The following LARP4B variants were observed in gnomAD, a reference collection of about 807,000 sequenced individuals.
LARP4B encodes La ribonucleoprotein 4B, also known as la-related protein 4B.
Under a neutral mutation model 89.8 loss-of-function variants are expected in LARP4B, and 12 were observed. The ratio of observed to expected loss-of-function variants is 0.13; its 90% confidence interval spans 0.09 to 0.22. The LOEUF is 0.22. Ranked by LOEUF, LARP4B falls within the 10% of genes least tolerant of loss-of-function variation. The pLI, the probability that LARP4B is intolerant of heterozygous loss-of-function variation, is 1.00. For missense variants in LARP4B, 757 were observed against 947.7 expected (o/e 0.80, Z 2.64); for synonymous variants, 367 against 363.3 (o/e 1.01, Z -0.12).
intron 1 of LARP4B, among the ~76,000 whole-genome samples, chr10:908,031 C>G (rs925992098): frequency 1.3e-5 from 2 of 152,146 alleles, no homozygotes; most frequent in Non-Finnish European, 2.9e-5. Context: ...CATGGTGAAA[C>G]CCCATCTCTA....
intron 7 of LARP4B, among the ~76,000 whole-genome samples, chr10:837,103 C>G (rs1261452142): frequency 6.6e-6 from 1 of 152,156 alleles, no homozygotes; most frequent in Non-Finnish European, 1.5e-5. Flanking sequence ...ATTACAGGTT[C>G]TATCAACAGG....
chr10:900,618 CTTTT>C (rs907868624), intron 1 of LARP4B, among the ~76,000 whole-genome samples: 6 of 118,968 alleles, frequency 5.0e-5, no homozygotes, highest in Admixed American at 8.9e-5. Flanking sequence ...GATATATTTC[CTTTT>C]TTTTTTTTTT....
chr10:913,581 A>G (rs1033008939), intron 1 of LARP4B, among the ~76,000 whole-genome samples: 4 of 152,232 alleles, frequency 2.6e-5, no homozygotes, highest in African/African-American at 9.6e-5. Flanking sequence ...AATGATTAAC[A>G]AAGAAATAAA....
intron 5 of LARP4B, among the ~76,000 whole-genome samples, chr10:859,673 A>G (rs1223971500): frequency 6.6e-6 from 1 of 152,270 alleles, no homozygotes; most frequent in African/African-American, 2.4e-5. Flanking sequence ...TAGTATGTCC[A>G]GACAATGGAA....
chr10:967,355 A>T, the LARP4B span, among the ~76,000 whole-genome samples: 1 of 152,234 alleles, frequency 6.6e-6, no homozygotes, highest in South Asian at 2.1e-4. Flanking sequence ...GGAACGTATG[A>T]AAGGAAACAA....
chr10:885,595 C>CA (rs778872573), intron 2 of LARP4B, 46 bp downstream of exon 2: 4 of 1,448,236 alleles, frequency 2.8e-6, no homozygotes, highest in African/African-American at 1.4e-5. Flanking sequence ...AGTCCTTTAT[C>CA]AAAAAAAGCA....
intron 3 of LARP4B, among the ~76,000 whole-genome samples, chr10:874,357 A>G (rs1397220376): frequency 6.6e-6 from 1 of 152,220 alleles, no homozygotes; most frequent in Non-Finnish European, 1.5e-5. Flanking sequence ...GAGCACTCCA[A>G]TTAAGAAAAA....
intron 1 of LARP4B, among the ~76,000 whole-genome samples, chr10:913,639 CTGT>C (rs1274650801): frequency 3.3e-5 from 5 of 152,300 alleles, no homozygotes; most frequent in African/African-American, 1.2e-4. Context: ...AGCATAATAA[CTGT>C]TAAGAATGAA....
At chr10:843,930 T>C (rs1833652523) in intron 6 of LARP4B, among the ~76,000 whole-genome samples, 1 of 152,222 alleles carries the variant, frequency 6.6e-6, no homozygotes, top group Admixed American at 6.5e-5. Flanking sequence ...TCATCAGCAG[T>C]TTGGGCCATG....
chr10:891,440 A>G (rs1391837899), intron 1 of LARP4B, among the ~76,000 whole-genome samples: 1 of 152,240 alleles, frequency 6.6e-6, no homozygotes, highest in Non-Finnish European at 1.5e-5. Context: ...CTCAGATGTG[A>G]TAACGATGTG....
intron 3 of LARP4B, among the ~76,000 whole-genome samples, chr10:874,048 C>G (rs1376366993): frequency 2.0e-5 from 3 of 152,090 alleles, no homozygotes; most frequent in Non-Finnish European, 4.4e-5. Flanking sequence ...GCCTGGCCAA[C>G]ATGGTGAAAA....
chr10:824,170 C>T (rs962765093), intron 13 of LARP4B, among the ~76,000 whole-genome samples: 1 of 152,164 alleles, frequency 6.6e-6, no homozygotes, highest in Non-Finnish European at 1.5e-5. Context: ...CGGTCCTTAC[C>T]AAGGCAAGGA....
chr10:826,885 C>T (rs1413983441), intron 11 of LARP4B, among the ~76,000 whole-genome samples: 1 of 152,186 alleles, frequency 6.6e-6, no homozygotes, highest in Non-Finnish European at 1.5e-5. Context: ...AATATTATAG[C>T]TTAGGACTAA....
chr10:881,848 C>T (rs959256229), intron 3 of LARP4B, among the ~76,000 whole-genome samples: 1 of 152,184 alleles, frequency 6.6e-6, no homozygotes, highest in South Asian at 2.1e-4. Flanking sequence ...TAGGGCTCCT[C>T]GAAGACGTGT....
intron 3 of LARP4B, among the ~76,000 whole-genome samples, chr10:880,748 G>C (rs564296203): frequency 1.3e-5 from 2 of 152,098 alleles, no homozygotes; most frequent in East Asian, 1.9e-4. Flanking sequence ...AGTTTAGTAT[G>C]AGGATGAGTT....
intron 1 of LARP4B, among the ~76,000 whole-genome samples, chr10:914,755 C>T (rs552607469): frequency 1.4e-4 from 21 of 151,612 alleles, no homozygotes; most frequent in African/African-American, 4.4e-4. Flanking sequence ...GAGCCGAGAT[C>T]ATGCCACTGC....
intron 3 of LARP4B, among the ~76,000 whole-genome samples, chr10:880,744 G>GTA (rs1428245890): frequency 9.9e-5 from 15 of 152,064 alleles, no homozygotes; most frequent in Non-Finnish European, 1.8e-4. Flanking sequence ...ATAGAGTTTA[G>GTA]TATGAGGATG....
intron 1 of LARP4B, among the ~76,000 whole-genome samples, chr10:921,616 C>T (rs962534138): frequency 6.6e-6 from 1 of 152,072 alleles, no homozygotes; most frequent in African/African-American, 2.4e-5. Flanking sequence ...GATAATAAAA[C>T]TTGTGGTCAC....
downstream of LARP4B, chr10:807,526 C>G (rs1831599613): frequency 6.6e-6 from 1 of 152,374 alleles, no homozygotes; most frequent in African/African-American, 2.4e-5. Flanking sequence ...GGTTGCTGTC[C>G]CAGCTTGGTC....
Sources: allele counts gnomAD v4.1 joint callset (sites outside exome capture counted in the v4.1 genomes callset), GRCh38; gene constraint gnomAD v4.1.1; transcripts MANE v1.5; gene names NCBI Gene and HGNC (gene_info 2026-07-23, HGNC 2026-07-21).